The following CACUL1 variants were observed in gnomAD, a reference collection of about 807,000 sequenced individuals.
The protein encoded by CACUL1 is CDK2-associated and cullin domain-containing protein 1.
In CACUL1, 13 loss-of-function variants were observed where a neutral mutation model predicts 45.2. That is an observed-to-expected ratio of 0.29 (90% CI 0.19 to 0.46). The LOEUF (loss-of-function observed/expected upper bound fraction) is 0.46. Among genes scored for constraint, CACUL1 ranks in the 20% least tolerant of loss-of-function variants. The pLI is 1.00. For missense variants in CACUL1, 421 were observed against 471.4 expected, an observed-to-expected ratio of 0.89 and a Z score of 0.99; for synonymous variants, 197 against 174.2, an observed-to-expected ratio of 1.13 and a Z score of -1.03.
At chr10:118,693,569 A>C in intron 6 of CACUL1, 1 of 340,486 alleles carries the variant, frequency 2.9e-6, no homozygotes. Context: ...TTTAGTGATA[A>C]ACTTTATTTT....
chr10:118,748,652 A>G (rs1172130600), intron 1 of CACUL1, among the ~76,000 whole-genome samples: 3 of 152,170 alleles, frequency 2.0e-5, no homozygotes, highest in African/African-American at 4.8e-5. Flanking sequence ...TGGATTTTGA[A>G]TTTTTGGATT....
intron 6 of CACUL1, chr10:118,693,364 G>C (rs1845290419): frequency 1.3e-5 from 2 of 159,070 alleles, no homozygotes; most frequent in African/African-American, 4.8e-5. Context: ...ACATGTAAAT[G>C]TCAAAATATG....
chr10:118,753,753 G>A (rs960051297), intron 1 of CACUL1, among the ~76,000 whole-genome samples: 2 of 152,214 alleles, frequency 1.3e-5, no homozygotes, highest in African/African-American at 4.8e-5. Flanking sequence ...TTATTCTTAT[G>A]AGTGTAAGCT....
intron 4 of CACUL1, among the ~76,000 whole-genome samples, chr10:118,704,924 A>G (rs1482133081): frequency 6.6e-6 from 1 of 152,246 alleles, no homozygotes; most frequent in African/African-American, 2.4e-5. Flanking sequence ...GCTGTAACAC[A>G]GGCGAGCTGG....
chr10:118,745,476 G>A (rs148373287), intron 1 of CACUL1, among the ~76,000 whole-genome samples: 2 of 152,176 alleles, frequency 1.3e-5, no homozygotes, highest in African/African-American at 2.4e-5. Flanking sequence ...AAAGGGAATC[G>A]CTTGAACCTG....
chr10:118,711,272 G>T (rs1295280291), intron 3 of CACUL1, among the ~76,000 whole-genome samples: 1 of 152,222 alleles, frequency 6.6e-6, no homozygotes, highest in African/African-American at 2.4e-5. Context: ...GAGAGACAGG[G>T]TTTCACCATG....
intron 3 of CACUL1, among the ~76,000 whole-genome samples, chr10:118,709,259 C>T (rs1053411172): frequency 1.3e-5 from 2 of 151,918 alleles, no homozygotes; most frequent in Non-Finnish European, 2.9e-5. Context: ...GGAGAAAATC[C>T]GTGGATAAGT....
Position 118,730,328 on chromosome 10 carries a change from C to CT in CACUL1, c.449dup (p.Ser151GlufsTer4). The CT allele has an allele frequency of 1.2e-6, 2 of 1,614,000 alleles. No homozygotes were observed. The highest frequency in any genetic ancestry group is 1.7e-6 in the Non-Finnish European group (2 of 1,179,880). ...ATATGGGGATATAGTCACCAGGACT[C>CT]TGAGTTAAAAGTTGATCTATGGCAC... is the stretch of plus-strand genomic sequence containing the variant. On this transcript the variant is annotated frameshift_variant, in exon 2 of 9. Coordinates refer to ENST00000369151, the MANE Select transcript of CACUL1 (RefSeq NM_153810.5). LOFTEE classifies it high-confidence loss of function.
rs894623925 is a variant in CACUL1, at chr10:118,677,145, G to C, written c.*8983C>G. On this transcript the variant is annotated 3_prime_UTR_variant, in exon 9 of 9. Transcript: ENST00000369151. ...GCATGATTTCAAAAAGCCGCCTTTA[G>C]TGTACTCTAAATTCTAAATTTGAGT... The C allele has an allele frequency of 6.6e-6, 1 of 152,086 alleles. No individual in the cohort carries two copies. Among genetic ancestry groups the C allele is most frequent in the Non-Finnish European group, 1.5e-5 (1 of 68,028 alleles). The allele number at this position is 152,086 out of a possible 1,614,324, so 9.4% of individuals were successfully genotyped here. A position where few individuals can be genotyped will look rare whatever the true frequency, so the allele number is the denominator to read the frequency against.
intron 5 of CACUL1, 64 bp downstream of exon 5, chr10:118,701,239 CAAA>C: frequency 6.6e-6 from 5 of 756,166 alleles, no homozygotes; most frequent in South Asian, 2.6e-5. Flanking sequence ...GCTCTCAGAC[CAAA>C]AAAAAAAGAA....
intron 1 of CACUL1, among the ~76,000 whole-genome samples, chr10:118,733,033 C>T (rs1845711006): frequency 6.6e-6 from 1 of 152,144 alleles, no homozygotes; most frequent in Non-Finnish European, 1.5e-5. Flanking sequence ...ATTAACATAC[C>T]TATCTTCTGG....
chr10:118,714,915 T>C (rs959689479), intron 3 of CACUL1, among the ~76,000 whole-genome samples: 1 of 152,200 alleles, frequency 6.6e-6, no homozygotes, highest in African/African-American at 2.4e-5. Context: ...TGAAAGGCTT[T>C]TGGGGACCCT....
intron 1 of CACUL1, among the ~76,000 whole-genome samples, chr10:118,732,352 A>ATGGGGTTGTC (rs2119645529): frequency 6.6e-6 from 1 of 152,308 alleles, no homozygotes; most frequent in South Asian, 2.1e-4. Flanking sequence ...GCACCGAAGG[A>ATGGGGTTGTC]TGGGGTTGTC....
At chr10:118,739,706 G>A (rs987845915) in intron 1 of CACUL1, among the ~76,000 whole-genome samples, 7 of 152,192 alleles carry the variant, frequency 4.6e-5, no homozygotes, top group African/African-American at 1.7e-4. Context: ...TCCCTGAGTG[G>A]CAACTATGCA....
Position 118,729,414 on chromosome 10 carries a change from A to C in CACUL1, c.495-17T>G. On this transcript the variant is annotated splice_polypyrimidine_tract_variant and intron_variant, in intron 2 of 8. Coordinates refer to ENST00000369151, the MANE Select transcript of CACUL1 (RefSeq NM_153810.5). ...TACACACAACTGTAAAACAAACAAA[A>C]ACCCCCACAAACCAAGTTAATCATA... 6.4e-7 allele frequency: 1 copy of C among 1,559,102 alleles called. No individual in the cohort carries two copies.
intron 6 of CACUL1, chr10:118,693,561 TAGTGATAAA>T: frequency 5.9e-6 from 2 of 337,768 alleles, no homozygotes; most frequent in Non-Finnish European, 1.2e-5. Context: ...TTTCTACCTT[TAGTGATAAA>T]CTTTATTTTG....
chr10:118,702,903 G>A (rs1845396839), intron 4 of CACUL1, among the ~76,000 whole-genome samples: 2 of 152,062 alleles, frequency 1.3e-5, no homozygotes, highest in Admixed American at 1.3e-4. Flanking sequence ...TCATATTTAA[G>A]TGTTAATGCA....
At chr10:118,692,109 A>G (rs1845277698) in intron 6 of CACUL1, among the ~76,000 whole-genome samples, 1 of 152,126 alleles carries the variant, frequency 6.6e-6, no homozygotes, top group Non-Finnish European at 1.5e-5. Context: ...GCCCAAGAAT[A>G]GAACAGTACA....
chr10:118,720,990 AAT>A (rs1379428135), intron 3 of CACUL1, among the ~76,000 whole-genome samples: 1 of 152,226 alleles, frequency 6.6e-6, no homozygotes, highest in Non-Finnish European at 1.5e-5. Flanking sequence ...TACCAGTTGC[AAT>A]ATTTATTTTA....
Sources: allele counts gnomAD v4.1 joint callset (sites outside exome capture counted in the v4.1 genomes callset), GRCh38; gene constraint gnomAD v4.1.1; transcripts MANE v1.5; gene names NCBI Gene and HGNC (gene_info 2026-07-23, HGNC 2026-07-21).